The following PPFIA2 variants were observed in gnomAD, a reference collection of about 807,000 sequenced individuals.
PPFIA2 encodes the protein liprin-alpha-2.
In PPFIA2, 46 loss-of-function variants were observed where a neutral mutation model predicts 175.5. That is an observed-to-expected ratio of 0.26 (90% confidence interval 0.21 to 0.34). PPFIA2 has a LOEUF of 0.34. Ranked by LOEUF, PPFIA2 falls within the 10% of genes least tolerant of loss-of-function variation. PPFIA2 has a pLI of 1.00. For missense variants in PPFIA2, 1,179 were observed against 1,506.1 expected (o/e 0.78, Z 3.60); for synonymous variants, 568 against 511.4 (o/e 1.11, Z -1.49).
intron 4 of PPFIA2, among the ~76,000 whole-genome samples, chr12:81,577,296 A>T (rs1166074920): frequency 6.6e-6 from 1 of 151,814 alleles, no homozygotes; most frequent in African/African-American, 2.4e-5. Context: ...TTATTCTTTT[A>T]TTGTTTTCCT....
At chr12:81,368,307 C>G (rs1295887406) in intron 13 of PPFIA2, 1 of 480,974 alleles carries the variant, frequency 2.1e-6, no homozygotes, top group Non-Finnish European at 3.5e-6. Context: ...TATAAACTCA[C>G]TTACATTTTG....
At chr12:81,482,547 C>A (rs2146738269) in intron 4 of PPFIA2, among the ~76,000 whole-genome samples, 2 of 152,254 alleles carry the variant, frequency 1.3e-5, no homozygotes, top group South Asian at 2.1e-4. Flanking sequence ...CCATGGAATA[C>A]TATGCAGCCA....
chr12:81,401,349 T>C (rs2142742668), intron 8 of PPFIA2, among the ~76,000 whole-genome samples: 1 of 152,296 alleles, frequency 6.6e-6, no homozygotes, highest in East Asian at 1.9e-4. Context: ...CTTATAACTC[T>C]GTAAGTTGGC....
chr12:81,688,243 T>A (rs1247073107), intron 3 of PPFIA2, among the ~76,000 whole-genome samples: 1 of 152,028 alleles, frequency 6.6e-6, no homozygotes, highest in Non-Finnish European at 1.5e-5. Flanking sequence ...AATTTATTCC[T>A]CTTTAAATGT....
At chr12:81,585,429 A>G (rs929424809) in intron 4 of PPFIA2, among the ~76,000 whole-genome samples, 2 of 151,852 alleles carry the variant, frequency 1.3e-5, no homozygotes, top group South Asian at 2.1e-4. Context: ...ACATAAACAC[A>G]TTGTATAGCT....
chr12:81,362,005 GTATCTATCTATC>G (rs5799523), intron 15 of PPFIA2, among the ~76,000 whole-genome samples: 11,258 of 147,546 alleles, frequency 0.076, 534 homozygotes, highest in Admixed American at 0.13. Context: ...ATGTATCTAT[GTATCTATCTATC>G]TATCTATCTA....
chr12:81,462,616 G>A (rs993590595), intron 4 of PPFIA2, among the ~76,000 whole-genome samples: 22 of 121,866 alleles, frequency 1.8e-4, no homozygotes, highest in African/African-American at 4.1e-4. Context: ...ATAATATAGC[G>A]ATTACCTGGA....
intron 4 of PPFIA2, among the ~76,000 whole-genome samples, chr12:81,615,062 T>C (rs537412605): frequency 1.1e-4 from 17 of 152,190 alleles, no homozygotes; most frequent in Non-Finnish European, 2.4e-4. Flanking sequence ...ATTTCATACA[T>C]AAAACAATTT....
chr12:81,558,318 G>T (rs772468380), intron 4 of PPFIA2, among the ~76,000 whole-genome samples: 1 of 152,204 alleles, frequency 6.6e-6, no homozygotes, highest in East Asian at 1.9e-4. Context: ...GAGCTTGGAC[G>T]TAAGCCAGTA....
intron 4 of PPFIA2, among the ~76,000 whole-genome samples, chr12:81,575,248 T>C (rs577676020): frequency 1.3e-5 from 2 of 151,942 alleles, no homozygotes; most frequent in Admixed American, 6.6e-5. Flanking sequence ...ATTTAAGATA[T>C]CTGGAAACTA....
intron 24 of PPFIA2, among the ~76,000 whole-genome samples, chr12:81,288,861 T>C (rs2044150210): frequency 6.6e-6 from 1 of 151,774 alleles, no homozygotes; most frequent in Admixed American, 6.6e-5. Flanking sequence ...GGTTAAGGTT[T>C]ATAAAGGCAA....
At chr12:81,485,841 G>A (rs923677691) in intron 4 of PPFIA2, among the ~76,000 whole-genome samples, 5 of 151,728 alleles carry the variant, frequency 3.3e-5, no homozygotes, top group African/African-American at 7.2e-5. Flanking sequence ...AATGTTAAAT[G>A]TATAATAATA....
At chr12:81,649,068 A>C (rs536504937) in intron 4 of PPFIA2, among the ~76,000 whole-genome samples, 1 of 152,210 alleles carries the variant, frequency 6.6e-6, no homozygotes, top group Admixed American at 6.5e-5. Flanking sequence ...TTAGAGAAAA[A>C]TTTCTATATA....
intron 4 of PPFIA2, among the ~76,000 whole-genome samples, chr12:81,609,472 T>C (rs1017331950): frequency 2.0e-5 from 3 of 152,168 alleles, no homozygotes; most frequent in Admixed American, 2.0e-4. Context: ...TGGGTATGTA[T>C]ACATTTAGAA....
At chr12:81,269,340 T>C (rs1022067977) in intron 28 of PPFIA2, among the ~76,000 whole-genome samples, 3 of 152,184 alleles carry the variant, frequency 2.0e-5, no homozygotes, top group African/African-American at 4.8e-5. Context: ...AAAGTAAAAG[T>C]AAGTTTTCCT....
intron 4 of PPFIA2, among the ~76,000 whole-genome samples, chr12:81,480,877 A>T (rs1239768132): frequency 1.3e-5 from 2 of 152,196 alleles, no homozygotes; most frequent in Non-Finnish European, 2.9e-5. Context: ...ATAGTATTGG[A>T]AGTTCTGGCC....
intron 15 of PPFIA2, among the ~76,000 whole-genome samples, chr12:81,360,312 A>C (rs1429030535): frequency 6.6e-6 from 1 of 151,924 alleles, no homozygotes; most frequent in Non-Finnish European, 1.5e-5. Context: ...AATAGGCATC[A>C]GTTCCTTTAA....
chr12:81,700,683 TA>T (rs1264491106), intron 3 of PPFIA2, among the ~76,000 whole-genome samples: 1 of 151,912 alleles, frequency 6.6e-6, no homozygotes, highest in African/African-American at 2.4e-5. Context: ...TTTAGAAGGA[TA>T]AAAAAATAAA....
rs2052790668 is a variant in PPFIA2, at chr12:81,452,585, A to G, written c.405+5180T>C. Among the ~76,000 whole-genome samples, 5 of 152,340 alleles carry G rather than the reference A, an allele frequency of 3.3e-5. 1 individual carries two copies. The South Asian group carries it at 1.0e-3, about 32-fold the overall frequency. On this transcript the variant is annotated intron_variant, in intron 5 of 32. Coordinates refer to ENST00000549396, the MANE Select transcript of PPFIA2 (RefSeq NM_003625.5). ...ATATCCTATCATAGAACTTTCATAAATAACTATATACGCACATGCATGTAC... is the reference window on the plus strand; with the variant it reads ...ATATCCTATCATAGAACTTTCATAAGTAACTATATACGCACATGCATGTAC...
Sources: allele counts gnomAD v4.1 joint callset (sites outside exome capture counted in the v4.1 genomes callset), GRCh38; gene constraint gnomAD v4.1.1; transcripts MANE v1.5; gene names NCBI Gene and HGNC (gene_info 2026-07-23, HGNC 2026-07-21).